The following MCC variants were observed in gnomAD, a reference collection of about 807,000 sequenced individuals.
MCC encodes the protein MCC regulator of Wnt signaling pathway.
Under a neutral mutation model 116.2 loss-of-function variants are expected in MCC, and 90 were observed. The ratio of observed to expected loss-of-function variants is 0.77; its 90% CI spans 0.65 to 0.92. The LOEUF (loss-of-function observed/expected upper bound fraction) is 0.92, where lower values mean the gene tolerates loss of function less well. MCC is among the 40% of genes least tolerant of loss of function. The pLI, the probability that MCC is intolerant of heterozygous loss-of-function variation, is 0.00. For synonymous variants in MCC, 578 were observed against 510.5 expected, an observed-to-expected ratio of 1.13 and a Z score of -1.78; for missense variants, 1,516 against 1,312.2, an observed-to-expected ratio of 1.16 and a Z score of -2.40.
At chr5:113,034,145 C>G (rs1355042343) in intron 17 of MCC, among the ~76,000 whole-genome samples, 1 of 150,810 alleles carries the variant, frequency 6.6e-6, no homozygotes, top group Non-Finnish European at 1.5e-5. Flanking sequence ...AGTGGTCCTC[C>G]CACCTTGCCC....
chr5:113,132,098 C>T lies in MCC; in HGVS notation c.885-9272G>A, dbSNP rs542348425. ...GGGATATAAGCGTTTTTTTAAATAA[C>T]GATTAATTTTTTATTTTCTAATTTA... On this transcript the variant is annotated intron_variant, in intron 5 of 18. Coordinates refer to ENST00000408903, the MANE Select transcript of MCC (RefSeq NM_001085377.2). 6.7e-4 allele frequency among the ~76,000 whole-genome samples: 102 copies of T among 151,512 alleles called. 1 individual carries two copies. The Middle Eastern group carries it at 0.01, about 15-fold the overall frequency.
At chr5:113,480,121 G>A (rs991185457) in intron 1 of MCC, among the ~76,000 whole-genome samples, 6 of 152,116 alleles carry the variant, frequency 3.9e-5, no homozygotes, top group African/African-American at 1.4e-4. Flanking sequence ...ACTGAATAAG[G>A]GAGAATAGTA....
chr5:113,462,289 T>C (rs1222489401), intron 1 of MCC, among the ~76,000 whole-genome samples: 1 of 152,180 alleles, frequency 6.6e-6, no homozygotes, highest in Non-Finnish European at 1.5e-5. Context: ...AAACACCTCA[T>C]GCACAACTCT....
chr5:113,071,862 G>A (rs188463869), intron 11 of MCC, among the ~76,000 whole-genome samples: 33 of 152,270 alleles, frequency 2.2e-4, no homozygotes, highest in Admixed American at 2.2e-3. Flanking sequence ...TTCCCCTGGT[G>A]GCCTTTAAGT....
intron 11 of MCC, among the ~76,000 whole-genome samples, chr5:113,081,676 G>A (rs919264346): frequency 6.6e-6 from 1 of 152,092 alleles, no homozygotes; most frequent in Admixed American, 6.6e-5. Context: ...TGAAAAGACT[G>A]CTTCTTTACT....
intron 3 of MCC, among the ~76,000 whole-genome samples, chr5:113,216,142 T>A (rs751272954): frequency 2.7e-4 from 41 of 152,212 alleles, no homozygotes; most frequent in Non-Finnish European, 5.1e-4. Context: ...TTGCTTTTGC[T>A]GCAAAAATGG....
intron 1 of MCC, among the ~76,000 whole-genome samples, chr5:113,412,802 C>G (rs1274397551): frequency 1.3e-5 from 2 of 152,166 alleles, no homozygotes; most frequent in African/African-American, 4.8e-5. Flanking sequence ...GAATTTCAAA[C>G]ACTATGTTGA....
intron 17 of MCC, among the ~76,000 whole-genome samples, chr5:113,033,215 C>A (rs1751080595): frequency 6.6e-6 from 1 of 152,130 alleles, no homozygotes; most frequent in South Asian, 2.1e-4. Flanking sequence ...GGTTGAGACC[C>A]AGGAATTGCA....
intron 5 of MCC, among the ~76,000 whole-genome samples, chr5:113,126,469 G>A (rs1435244208): frequency 2.6e-5 from 4 of 152,050 alleles, no homozygotes; most frequent in Non-Finnish European, 5.9e-5. Context: ...ACATGTATTT[G>A]AGCTGCATGA....
At chr5:113,379,738 T>C (rs1769070247) in intron 2 of MCC, among the ~76,000 whole-genome samples, 1 of 152,212 alleles carries the variant, frequency 6.6e-6, no homozygotes, top group Admixed American at 6.5e-5. Flanking sequence ...TAAAAATCTG[T>C]TATGACGTGT....
chr5:113,054,385 A>G (rs1364512013), intron 14 of MCC, among the ~76,000 whole-genome samples: 1 of 152,230 alleles, frequency 6.6e-6, no homozygotes, highest in Non-Finnish European at 1.5e-5. Context: ...GACATAGGTT[A>G]AAAGATATTA....
chr5:113,029,017 A>C lies in MCC; in HGVS notation c.2796T>G (p.Ser932Arg). The C allele has an allele frequency of 6.2e-7, 1 of 1,613,362 alleles. No individual in the cohort carries two copies. Among genetic ancestry groups the C allele is most frequent in the Non-Finnish European group, 8.5e-7 (1 of 1,179,602 alleles). The change falls in exon 18 of 19, where the codon AGT (serine) becomes AGG (arginine). Residue 932 changes from serine to arginine, a missense_variant. By Grantham distance (110) the Ser-to-Arg change is moderately radical. Transcript: ENST00000408903. ...TGCTCTTGGTGAGTCTCTCCAAGGC[A>C]CTCACCAGCTCTTGAACTCTGGCCT... ...KLKARVQELVSALERLTKSSE... is the reference protein window; with the variant it reads ...KLKARVQELVRALERLTKSSE...
intron 1 of MCC, among the ~76,000 whole-genome samples, chr5:113,411,614 A>G (rs1020968623): frequency 3.9e-5 from 6 of 152,100 alleles, no homozygotes; most frequent in Non-Finnish European, 8.8e-5. Flanking sequence ...GTCACCCACA[A>G]TCTATAATCA....
intron 3 of MCC, among the ~76,000 whole-genome samples, chr5:113,194,914 C>T (rs547414566): frequency 2.5e-4 from 38 of 152,264 alleles, no homozygotes; most frequent in African/African-American, 8.9e-4. Context: ...GAGAACATGG[C>T]CCCCACAGCA....
intron 3 of MCC, among the ~76,000 whole-genome samples, chr5:113,240,671 A>C (rs151178413): frequency 6.6e-6 from 1 of 152,258 alleles, no homozygotes; most frequent in East Asian, 1.9e-4. Flanking sequence ...TCTAATGCCA[A>C]CTGTAACAGG....
At chr5:113,053,318 G>C (rs904309458) in intron 15 of MCC, among the ~76,000 whole-genome samples, 1 of 152,162 alleles carries the variant, frequency 6.6e-6, no homozygotes, top group Non-Finnish European at 1.5e-5. Flanking sequence ...AGGGCTCTCG[G>C]CCAAACTCTA....
intron 1 of MCC, among the ~76,000 whole-genome samples, chr5:113,426,413 C>T (rs10059129): frequency 0.068 from 10,315 of 152,210 alleles, 761 homozygotes; most frequent in African/African-American, 0.18. Context: ...AAATCTATCC[C>T]CAGGACTAGT....
intron 18 of MCC, among the ~76,000 whole-genome samples, chr5:113,028,669 C>A (rs1159312474): frequency 6.6e-6 from 1 of 152,112 alleles, no homozygotes; most frequent in African/African-American, 2.4e-5. Flanking sequence ...ATACATAATA[C>A]CAGGAGGCAT....
intron 1 of MCC, among the ~76,000 whole-genome samples, chr5:113,445,882 G>T (rs1007681343): frequency 1.3e-5 from 2 of 152,088 alleles, no homozygotes; most frequent in African/African-American, 4.8e-5. Context: ...AAACAGCATG[G>T]TACTGGTACA....
Sources: gnomAD v4.1 joint callset for allele counts (sites outside exome capture counted in the v4.1 genomes callset) on GRCh38, gnomAD v4.1.1 for gene constraint, MANE v1.5 for transcripts, NCBI Gene and HGNC (gene_info 2026-07-23, HGNC 2026-07-21) for gene names.